Variants in VPS13D observed in about 807,000 individuals in gnomAD.
VPS13D encodes the protein vacuolar protein sorting 13 homolog D, also known as intermembrane lipid transfer protein VPS13D.
Under a neutral mutation model 461.9 loss-of-function variants are expected in VPS13D, and 187 were observed. The ratio of observed to expected loss-of-function variants is 0.40; its 90% CI spans 0.36 to 0.46. The LOEUF (loss-of-function observed/expected upper bound fraction) is 0.46. VPS13D is among the 20% of genes least tolerant of loss of function. The probability of loss-of-function intolerance (pLI) is 0.60; values close to 1 mark genes in which losing one functional copy is unlikely to be tolerated. For missense variants in VPS13D, 4,711 were observed against 5,364.9 expected (o/e 0.88, Z 3.81); for synonymous variants, 1,951 against 1,986.3 (o/e 0.98, Z 0.47).
chr1:12,279,384 C>T lies in VPS13D; in HGVS notation c.4451-115C>T. On this transcript the variant is annotated intron_variant, in intron 19 of 69. Coordinates refer to ENST00000620676, the MANE Select transcript of VPS13D (RefSeq NM_015378.4). The surrounding 1 kb of genome is among the most constrained non-coding windows in gnomAD (Gnocchi z 4.3). ...AGACCCCGGGTGCCAGGCTAACCTGCCCTCCTGGTCTAAGTGTAACTCATG... is the reference window on the plus strand; with the variant it reads ...AGACCCCGGGTGCCAGGCTAACCTGTCCTCCTGGTCTAAGTGTAACTCATG... The T allele has an allele frequency of 9.0e-6, 11 of 1,224,268 alleles. No individual in the cohort carries two copies. Among genetic ancestry groups the T allele is most frequent in the Non-Finnish European group, 1.2e-5 (11 of 926,678 alleles). The allele number at this position is 1,224,268 out of a possible 1,614,324, so 75.8% of individuals were successfully genotyped here.
intron 19 of VPS13D, among the ~76,000 whole-genome samples, chr1:12,278,366 G>A (rs949870567): frequency 1.4e-4 from 21 of 152,200 alleles, no homozygotes; most frequent in Non-Finnish European, 2.4e-4. Flanking sequence ...TACCTCCCAG[G>A]TTCAAGTGAT....
intron 30 of VPS13D, among the ~76,000 whole-genome samples, chr1:12,315,508 G>A (rs1035892203): frequency 6.6e-6 from 1 of 152,208 alleles, no homozygotes; most frequent in African/African-American, 2.4e-5. Flanking sequence ...GCTACGCTCA[G>A]TATAATCCTG....
At chr1:12,300,239 ACT>A (rs1642387014) in intron 25 of VPS13D, among the ~76,000 whole-genome samples, 1 of 121,878 alleles carries the variant, frequency 8.2e-6, no homozygotes. Flanking sequence ...ACAGAGTCTC[ACT>A]CTGTTGCCAA....
Position 12,356,451 on chromosome 1 carries a change from T to A in VPS13D, c.9925T>A (p.Phe3309Ile), listed in dbSNP as rs200628839. Reference protein sequence around the residue: ...DNAKTDAAGQFEEHELARSLS... With the variant: ...DNAKTDAAGQIEEHELARSLS... ...TGCCAAGACAGATGCTGCAGGCCAG[T>A]TTGAGGAGCATGAGCTGGCCCGTAG... Residue 3309 changes from phenylalanine to isoleucine, a missense_variant, in exon 49 of 70, where the codon TTT becomes ATT. This residue lies in a region of VPS13D where 4,411 missense variants were observed against 4,937.8 expected (regional missense o/e 0.89). Transcript: ENST00000620676. 3.1e-6 allele frequency: 5 copies of A among 1,614,130 alleles called. No individual in the cohort carries two copies. In the South Asian group the frequency reaches 3.3e-5, roughly 11 times the overall value.
At chr1:12,390,130 A>G (rs1166874767) in intron 60 of VPS13D, among the ~76,000 whole-genome samples, 1 of 152,222 alleles carries the variant, frequency 6.6e-6, no homozygotes, top group Non-Finnish European at 1.5e-5. Flanking sequence ...CTAAGCCAGG[A>G]GAACTAATGT....
chr1:12,498,908 A>T (rs1038446729), intron 68 of VPS13D, among the ~76,000 whole-genome samples: 3 of 152,106 alleles, frequency 2.0e-5, no homozygotes, highest in Non-Finnish European at 2.9e-5. Flanking sequence ...TTCTTACTCC[A>T]AATGGTCACA....
chr1:12,241,897 A>T (rs575301886), intron 2 of VPS13D, among the ~76,000 whole-genome samples: 15 of 152,196 alleles, frequency 9.9e-5, no homozygotes, highest in Non-Finnish European at 1.5e-4. Flanking sequence ...AATCCCAGAG[A>T]TTCAGAGGTA....
At chr1:12,328,831 G>T (rs991029544) in intron 36 of VPS13D, among the ~76,000 whole-genome samples, 1 of 152,090 alleles carries the variant, frequency 6.6e-6, no homozygotes, top group East Asian at 1.9e-4. Context: ...GAGCCACCGC[G>T]CCTGGCGAGG....
intron 65 of VPS13D, among the ~76,000 whole-genome samples, chr1:12,423,898 A>C (rs909842440): frequency 6.6e-6 from 1 of 152,244 alleles, no homozygotes; most frequent in Admixed American, 6.5e-5. Flanking sequence ...ATGTTTATTC[A>C]AGGTGAAAAT....
rs1394993333 is a variant in VPS13D, at chr1:12,288,298, C to T, written c.5710C>T (p.His1904Tyr). Reference sequence around the variant, plus strand: ...AGCAAATGTGTCCAAATTAGTAGCACACCTGGAAATGATTGGTAAGTGGTG... The same window carrying T: ...AGCAAATGTGTCCAAATTAGTAGCATACCTGGAAATGATTGGTAAGTGGTG... Reference protein sequence around the residue: ...AKANVSKLVAHLEMIEGDLAL... With the variant: ...AKANVSKLVAYLEMIEGDLAL... Residue 1904 changes from histidine to tyrosine, a missense_variant, in exon 22 of 70, where the codon CAC (histidine) becomes TAC (tyrosine). This residue lies in a region of VPS13D where 4,411 missense variants were observed against 4,937.8 expected (regional missense o/e 0.89). Coordinates refer to ENST00000620676, the MANE Select transcript of VPS13D (RefSeq NM_015378.4). 1 of 1,614,060 alleles carries T rather than the reference C, an allele frequency of 6.2e-7. No individual in the cohort carries two copies.
At chr1:12,403,787 A>C (rs1484009748) in intron 62 of VPS13D, 38 bp from the exon 63 acceptor site, 2 of 1,543,100 alleles carry the variant, frequency 1.3e-6, no homozygotes, top group East Asian at 2.3e-5. Context: ...GAGACTAAGA[A>C]ATTCTTTTTT....
intron 6 of VPS13D, among the ~76,000 whole-genome samples, chr1:12,251,201 A>G (rs1208423408): frequency 6.6e-6 from 1 of 152,272 alleles, no homozygotes; most frequent in Non-Finnish European, 1.5e-5. Context: ...GTGGCCCTTT[A>G]TGGAAGAGCG....
chr1:12,295,954 C>T (rs1248136146), intron 24 of VPS13D, among the ~76,000 whole-genome samples: 7 of 152,088 alleles, frequency 4.6e-5, no homozygotes, highest in African/African-American at 7.2e-5. Flanking sequence ...GGTATTAAAC[C>T]GTATTTAATG....
At chr1:12,346,165 C>T (rs1643670944) in intron 43 of VPS13D, among the ~76,000 whole-genome samples, 1 of 152,238 alleles carries the variant, frequency 6.6e-6, no homozygotes. Context: ...GGTGGAAATG[C>T]AGACGTGCAG....
chr1:12,428,825 A>C (rs1170959394), intron 65 of VPS13D, among the ~76,000 whole-genome samples: 2 of 152,266 alleles, frequency 1.3e-5, no homozygotes, highest in Non-Finnish European at 2.9e-5. Context: ...AATGTTAGAA[A>C]GGAAGACTTA....
intron 14 of VPS13D, 116 bp downstream of exon 14, chr1:12,267,127 G>A (rs937976671): frequency 1.7e-6 from 2 of 1,184,666 alleles, no homozygotes; most frequent in African/African-American, 3.1e-5. Context: ...CTGATGGGCT[G>A]GGATTAGAAA....
chr1:12,274,051 GT>G (rs962964255), intron 18 of VPS13D, among the ~76,000 whole-genome samples: 11 of 151,880 alleles, frequency 7.2e-5, no homozygotes, highest in Non-Finnish European at 1.5e-4. Flanking sequence ...GTTTTTGTTT[GT>G]TTTTTTGAGA....
In VPS13D at chr1:12,276,446, A is replaced by G; in HGVS notation, c.2858A>G (p.Gln953Arg). 1 of 1,614,190 alleles carries G rather than the reference A, an allele frequency of 6.2e-7. No individual in the cohort carries two copies. The highest frequency in any genetic ancestry group is 8.5e-7 in the Non-Finnish European group (1 of 1,180,040). The stretch of plus-strand genomic sequence containing the variant: ...ACCCGCGAGGTTCTGGTGGAGTCGC[A>G]GCTCCTCCTGGCGGAATTTAAAGTG... ...QHTREVLVES[Q>R]LLLAEFKVNC... is the part of the protein sequence containing the mutation. Residue 953 changes from glutamine (Q) to arginine (R), a missense_variant, in exon 19 of 70, where the codon CAG (glutamine) becomes CGG (arginine). Transcript: ENST00000620676. The surrounding 1 kb of genome is among the most constrained non-coding windows in gnomAD (Gnocchi z 4.5).
At chr1:12,436,534 C>A (rs1645062902) in intron 65 of VPS13D, among the ~76,000 whole-genome samples, 1 of 152,150 alleles carries the variant, frequency 6.6e-6, no homozygotes, top group African/African-American at 2.4e-5. Flanking sequence ...TTCGCCCCCA[C>A]CCACCACGTG....
Sources: allele counts gnomAD v4.1 joint callset (sites outside exome capture counted in the v4.1 genomes callset), GRCh38; gene constraint gnomAD v4.1.1; regional missense constraint gnomAD v4.1.1; non-coding constraint Gnocchi (gnomAD v3.1); transcripts MANE v1.5; gene names NCBI Gene and HGNC (gene_info 2026-07-23, HGNC 2026-07-21).